Variants in MRPL40 observed in about 807,000 individuals in gnomAD.
MRPL40 encodes large ribosomal subunit protein mL40.
In MRPL40, 18 loss-of-function variants were observed where a neutral mutation model predicts 24.5. The observed-to-expected ratio is 0.73, with a 90% confidence interval of 0.51 to 1.09. The LOEUF (loss-of-function observed/expected upper bound fraction) is 1.09, where lower values mean the gene tolerates loss of function less well. Among genes scored for constraint, MRPL40 ranks in the 50% least tolerant of loss-of-function variants. MRPL40 has a pLI of 0.00. For missense variants in MRPL40, 256 were observed against 243.8 expected (o/e 1.05, Z -0.33); for synonymous variants, 108 against 94.6 (o/e 1.14, Z -0.82).
chr22:19,432,748 C>T (rs942686092), intron 1 of MRPL40, 141 bp downstream of exon 1: 32 of 1,400,876 alleles, frequency 2.3e-5, no homozygotes, highest in Middle Eastern at 1.8e-4. Flanking sequence ...GGTCGTGACT[C>T]TTATGCATGA....
chr22:19,434,604 T>G (rs1308075245), intron 2 of MRPL40, 132 bp from the exon 3 acceptor site: 1 of 669,934 alleles, frequency 1.5e-6, no homozygotes, highest in Non-Finnish European at 2.5e-6. Flanking sequence ...CTCACCACGC[T>G]GAGCTCATGA....
At chr22:19,433,556 A>C (rs143809198) in intron 2 of MRPL40, among the ~76,000 whole-genome samples, 31 of 152,350 alleles carry the variant, frequency 2.0e-4, no homozygotes, top group African/African-American at 7.2e-4. Flanking sequence ...GCAGTTTCTC[A>C]AGAAGTAAGT....
intron 3 of MRPL40, 41 bp downstream of exon 3, chr22:19,434,935 G>A (rs371556343): frequency 6.4e-5 from 96 of 1,509,668 alleles, no homozygotes; most frequent in Non-Finnish European, 8.0e-5. Flanking sequence ...CAGGACAAAG[G>A]AGTAATATCA....
At chr22:19,432,728 T>G in intron 1 of MRPL40, 121 bp downstream of exon 1, 1 of 1,426,248 alleles carries the variant, frequency 7.0e-7, no homozygotes, top group Non-Finnish European at 9.2e-7. Flanking sequence ...ATCTCAGGGA[T>G]GAGCCATCTG....
chr22:19,434,194 G>A (rs1476525786), intron 2 of MRPL40, among the ~76,000 whole-genome samples: 1 of 148,028 alleles, frequency 6.8e-6, no homozygotes, highest in Non-Finnish European at 1.5e-5. Context: ...TTTATACCCT[G>A]ATGCCTCTTG....
intron 1 of MRPL40, chr22:19,432,844 C>A (rs1270063552): frequency 5.2e-6 from 7 of 1,353,602 alleles, no homozygotes; most frequent in Non-Finnish European, 6.6e-6. Flanking sequence ...CCACGTTGAC[C>A]TTGCTGTCAT....
chr22:19,433,182 C>T, intron 1 of MRPL40, 83 bp from the exon 2 acceptor site: 5 of 937,432 alleles, frequency 5.3e-6, no homozygotes, highest in Non-Finnish European at 6.9e-6. Flanking sequence ...GCCTCGGCCT[C>T]CCAAAGTGCT....
intron 3 of MRPL40, among the ~76,000 whole-genome samples, chr22:19,435,216 C>T (rs1035854599): frequency 2.6e-5 from 4 of 152,190 alleles, no homozygotes; most frequent in African/African-American, 9.7e-5. Flanking sequence ...AAGCCCTCGC[C>T]TCATCCTAAC....
intron 2 of MRPL40, among the ~76,000 whole-genome samples, chr22:19,434,216 C>CTT (rs35856980): frequency 0.01 from 857 of 85,252 alleles, 3 homozygotes; most frequent in Non-Finnish European, 0.014. Flanking sequence ...TGCTTTTGTA[C>CTT]TTTTTTTTTT....
chr22:19,433,924 G>A (rs2089568952), intron 2 of MRPL40, among the ~76,000 whole-genome samples: 1 of 151,542 alleles, frequency 6.6e-6, no homozygotes. Context: ...TACCACGCCC[G>A]GCTAATTTTT....
chr22:19,435,869 A>G lies in MRPL40; in HGVS notation c.528A>G (p.Pro176=). Residue 176 remains proline (P), a synonymous_variant, in exon 4 of 4, where the codon CCA becomes CCG. Transcript: ENST00000333130. ...TGTTCCCCTTTGAGAAGGAAGGGCC[A>G]CATTACACACCACCGATCCCTAACT... ...PNLFPFEKEG[P]HYTPPIPNYQ... The G allele has an allele frequency of 6.2e-7, 1 of 1,614,184 alleles. No homozygotes were observed. The highest frequency in any genetic ancestry group is 1.7e-5 in the Admixed American group (1 of 60,020).
intron 1 of MRPL40, chr22:19,432,900 T>C (rs2146268536): frequency 7.8e-7 from 1 of 1,275,132 alleles, no homozygotes; most frequent in Non-Finnish European, 1.0e-6. Flanking sequence ...TTGCAATTTT[T>C]TATTTTCCTG....
At chr22:19,433,200 C>G (rs983470360) in intron 1 of MRPL40, 65 bp from the exon 2 acceptor site, 2 of 1,142,412 alleles carry the variant, frequency 1.8e-6, no homozygotes, top group African/African-American at 3.0e-5. Flanking sequence ...GCTGGGATTA[C>G]AGACGTGAGC....
intron 2 of MRPL40, among the ~76,000 whole-genome samples, chr22:19,434,309 G>A (rs1454123808): frequency 3.7e-5 from 5 of 133,794 alleles, no homozygotes; most frequent in Admixed American, 8.7e-5. Context: ...TGCAACCTCC[G>A]CCTCCCAGGC....
At chr22:19,434,217 T>C (rs2089571265) in intron 2 of MRPL40, among the ~76,000 whole-genome samples, 1 of 36,928 alleles carries the variant, frequency 2.7e-5, no homozygotes, top group South Asian at 8.7e-4. Context: ...GCTTTTGTAC[T>C]TTTTTTTTTT....
intron 3 of MRPL40, among the ~76,000 whole-genome samples, 187 bp from the exon 4 acceptor site, chr22:19,435,451 G>A (rs1389158619): frequency 6.6e-6 from 1 of 152,188 alleles, no homozygotes; most frequent in Non-Finnish European, 1.5e-5. Flanking sequence ...TTTTGACAGA[G>A]AGCAAATGAC....
intron 1 of MRPL40, chr22:19,432,817 A>T: frequency 7.4e-7 from 1 of 1,357,744 alleles, no homozygotes; most frequent in South Asian, 1.8e-5. Flanking sequence ...TCTGAACGAA[A>T]GATTTTGAAA....
chr22:19,434,419 C>T (rs907171920), intron 2 of MRPL40, among the ~76,000 whole-genome samples: 2 of 151,698 alleles, frequency 1.3e-5, no homozygotes, highest in Admixed American at 6.6e-5. Flanking sequence ...GACAGGGTTT[C>T]GCCATGTTGA....
In MRPL40 at chr22:19,434,793, G is replaced by A. The variant is rs1265982887; in HGVS notation, c.195G>A (p.Lys65=). 4.3e-6 allele frequency: 7 copies of A among 1,612,134 alleles called. No individual in the cohort carries two copies. The highest frequency in any genetic ancestry group is 5.9e-6 in the Non-Finnish European group (7 of 1,179,590). Residue 65 remains lysine, a synonymous_variant, in exon 3 of 4, where the codon AAG becomes AAA. Coordinates refer to ENST00000333130, the MANE Select transcript of MRPL40 (RefSeq NM_003776.4). ...ATCCTAAAAAAGACCAAGAAGCAAA[G>A]GAGCGCTTGAAAAGGAAGATCCGAA... The part of the protein sequence containing the change: ...KVDPKKDQEA[K]ERLKRKIRKL...
Sources: allele counts gnomAD v4.1 joint callset (sites outside exome capture counted in the v4.1 genomes callset), GRCh38; gene constraint gnomAD v4.1.1; transcripts MANE v1.5; gene names NCBI Gene and HGNC (gene_info 2026-07-23, HGNC 2026-07-21).